Variants in SORCS2 observed in about 807,000 individuals in gnomAD.
The protein encoded by SORCS2 is VPS10 domain-containing receptor SorCS2.
Under a neutral mutation model 141.6 loss-of-function variants are expected in SORCS2, and 100 were observed. The observed-to-expected ratio is 0.71, with a 90% CI of 0.60 to 0.83. The LOEUF is 0.83. SORCS2 is among the 40% of genes least tolerant of loss of function. SORCS2 has a pLI of 0.00. For synonymous variants in SORCS2, 789 were observed against 676.9 expected (o/e 1.17, Z -2.57); for missense variants, 1,646 against 1,560.2 (o/e 1.05, Z -0.93).
At chr4:7,468,924 G>T (rs1729794552) in intron 2 of SORCS2, among the ~76,000 whole-genome samples, 1 of 152,150 alleles carries the variant, frequency 6.6e-6, no homozygotes, top group Non-Finnish European at 1.5e-5. Context: ...GTGTGACCTT[G>T]GACAAGTCAC....
chr4:7,398,891 G>A (rs985555903), intron 2 of SORCS2, among the ~76,000 whole-genome samples: 1 of 152,202 alleles, frequency 6.6e-6, no homozygotes, highest in African/African-American at 2.4e-5. Flanking sequence ...GCCAGGGAGT[G>A]TGAATGGATT....
At chr4:7,215,366 C>A (rs538928442) in intron 1 of SORCS2, among the ~76,000 whole-genome samples, 2 of 152,362 alleles carry the variant, frequency 1.3e-5, no homozygotes, top group African/African-American at 4.8e-5. Context: ...TGCCTTTCCG[C>A]GGGGCAGGGC....
intron 2 of SORCS2, among the ~76,000 whole-genome samples, chr4:7,475,232 G>T (rs1730221269): frequency 6.6e-6 from 1 of 152,154 alleles, no homozygotes; most frequent in Admixed American, 6.5e-5. Context: ...CAGGTGGAAA[G>T]TCCCAGGCAG....
At chr4:7,243,775 G>A (rs1311387420) in intron 1 of SORCS2, among the ~76,000 whole-genome samples, 2 of 152,238 alleles carry the variant, frequency 1.3e-5, no homozygotes, top group South Asian at 2.1e-4. Context: ...ACCCAAGTTC[G>A]CAGACGCCAG....
At chr4:7,483,389 G>A (rs1055461886) in intron 2 of SORCS2, among the ~76,000 whole-genome samples, 20 of 151,608 alleles carry the variant, frequency 1.3e-4, no homozygotes, top group African/African-American at 4.9e-4. Context: ...AGAGAGTAGC[G>A]TGAGGCAGCT....
chr4:7,523,313 G>A (rs1219875912), intron 2 of SORCS2, among the ~76,000 whole-genome samples: 1 of 152,196 alleles, frequency 6.6e-6, no homozygotes, highest in Non-Finnish European at 1.5e-5. Context: ...GTTCCCACAT[G>A]TTCAGCGGGA....
intron 1 of SORCS2, among the ~76,000 whole-genome samples, chr4:7,310,946 T>C (rs372098539): frequency 6.6e-6 from 1 of 152,208 alleles, no homozygotes; most frequent in Non-Finnish European, 1.5e-5. Context: ...AATAGAGATA[T>C]AATAAATCAC....
chr4:7,632,758 C>T (rs998485317), intron 3 of SORCS2, among the ~76,000 whole-genome samples: 2 of 152,112 alleles, frequency 1.3e-5, no homozygotes, highest in African/African-American at 2.4e-5. Context: ...GAAATGGCAG[C>T]GCTGAAGACA....
chr4:7,654,874 G>A, intron 5 of SORCS2, among the ~76,000 whole-genome samples: 1 of 152,190 alleles, frequency 6.6e-6, no homozygotes, highest in Admixed American at 6.5e-5. Context: ...GGGGGCCCCT[G>A]TGTTCCGATG....
At chr4:7,478,867 A>T (rs1025492109) in intron 2 of SORCS2, among the ~76,000 whole-genome samples, 6 of 151,922 alleles carry the variant, frequency 3.9e-5, no homozygotes, top group African/African-American at 1.5e-4. Context: ...TGGGTCGGGG[A>T]CCCTTCGGCT....
chr4:7,675,998 C>G, intron 8 of SORCS2, 52 bp from the exon 9 acceptor site: 1 of 1,538,704 alleles, frequency 6.5e-7, no homozygotes, highest in Non-Finnish European at 8.8e-7. Flanking sequence ...CTTCCTCCCT[C>G]GTGCAGCCCC....
intron 22 of SORCS2, among the ~76,000 whole-genome samples, chr4:7,728,771 C>G (rs1268631387): frequency 6.6e-6 from 1 of 152,222 alleles, no homozygotes; most frequent in Non-Finnish European, 1.5e-5. Context: ...TCCAGTGCTC[C>G]AGAGTCTCTT....
At chr4:7,430,750 G>C (rs560197725) in intron 2 of SORCS2, 1 of 152,296 alleles carries the variant, frequency 6.6e-6, no homozygotes, top group African/African-American at 2.4e-5. Context: ...AGGGCCAGCT[G>C]CTCTTCTCCT....
At chr4:7,694,754 C>T (rs1293711590) in intron 11 of SORCS2, among the ~76,000 whole-genome samples, 2 of 152,226 alleles carry the variant, frequency 1.3e-5, no homozygotes, top group Admixed American at 6.5e-5. Flanking sequence ...CCAGGCACCA[C>T]ACTGCACAGA....
At chr4:7,673,018 A>G (rs1333062629) in intron 8 of SORCS2, among the ~76,000 whole-genome samples, 2 of 152,236 alleles carry the variant, frequency 1.3e-5, no homozygotes, top group Non-Finnish European at 2.9e-5. Context: ...CATATACTAT[A>G]TGTATATTTG....
intron 6 of SORCS2, 129 bp downstream of exon 6, chr4:7,661,693 G>C (rs75431856): frequency 2.5e-6 from 2 of 813,330 alleles, no homozygotes; most frequent in Non-Finnish European, 4.0e-6. Flanking sequence ...ACTGTGTCTC[G>C]ATGTGGCATG....
chr4:7,308,335 C>T (rs565417233), intron 1 of SORCS2, among the ~76,000 whole-genome samples: 1 of 152,298 alleles, frequency 6.6e-6, no homozygotes, highest in African/African-American at 2.4e-5. Flanking sequence ...GGCTGGCTAC[C>T]TTGGGCTTTG....
chr4:7,483,048 C>T (rs536642008), intron 2 of SORCS2, among the ~76,000 whole-genome samples: 42 of 152,244 alleles, frequency 2.8e-4, no homozygotes, highest in African/African-American at 4.3e-4. Context: ...AGGCCGGGCG[C>T]GGTGGCTCGT....
chr4:7,549,972 G>A (rs1338480773), intron 3 of SORCS2, among the ~76,000 whole-genome samples: 2 of 152,148 alleles, frequency 1.3e-5, no homozygotes, highest in African/African-American at 2.4e-5. Context: ...ATTTGCTCCC[G>A]AGGACTGAAA....
Sources: allele counts gnomAD v4.1 joint callset (sites outside exome capture counted in the v4.1 genomes callset), GRCh38; gene constraint gnomAD v4.1.1; transcripts MANE v1.5; gene names NCBI Gene and HGNC (gene_info 2026-07-23, HGNC 2026-07-21).